Variants in PDHX observed in about 807,000 individuals in gnomAD.
The protein encoded by PDHX is pyruvate dehydrogenase complex component X, also known as pyruvate dehydrogenase protein X component, mitochondrial.
In PDHX, 33 loss-of-function variants were observed where a neutral mutation model predicts 55.3. The observed-to-expected ratio is 0.60, with a 90% CI of 0.45 to 0.80. The LOEUF is 0.80. PDHX is among the 30% of genes least tolerant of loss of function. The pLI, the probability that PDHX is intolerant of heterozygous loss-of-function variation, is 0.00. For synonymous variants in PDHX, 226 were observed against 219.4 expected (o/e 1.03, Z -0.27); for missense variants, 622 against 619.9 (o/e 1.00, Z -0.04).
chr11:34,968,181 G>A (rs1450044294), intron 6 of PDHX, among the ~76,000 whole-genome samples: 1 of 150,480 alleles, frequency 6.6e-6, no homozygotes, highest in African/African-American at 2.4e-5. Context: ...GGAGATTGGG[G>A]AATCACTTGA....
At chr11:34,992,269 G>A (rs1225919115) in intron 9 of PDHX, 46 bp from the exon 10 acceptor site, 3 of 1,060,402 alleles carry the variant, frequency 2.8e-6, no homozygotes, top group Non-Finnish European at 4.4e-6. Context: ...AAGATCAACT[G>A]TATAACATTT....
chr11:34,921,497 C>T (rs939429786), intron 1 of PDHX, among the ~76,000 whole-genome samples: 4 of 152,170 alleles, frequency 2.6e-5, no homozygotes, highest in African/African-American at 7.2e-5. Context: ...CTGATTCTTT[C>T]GAAGGCTACG....
At chr11:34,994,297 T>C (rs546390781) in intron 10 of PDHX, among the ~76,000 whole-genome samples, 1 of 152,166 alleles carries the variant, frequency 6.6e-6, no homozygotes, top group Non-Finnish European at 1.5e-5. Flanking sequence ...ATGATGAGTA[T>C]TTGGGTATCT....
At chr11:34,916,072 C>G (rs1853675457), upstream of PDHX, 1 of 1,005,874 alleles carries the variant, frequency 9.9e-7, no homozygotes. Context: ...TTCCGAACGC[C>G]AAGGTCGCGG....
intron 5 of PDHX, among the ~76,000 whole-genome samples, chr11:34,965,018 G>A (rs1355908392): frequency 6.6e-6 from 1 of 152,032 alleles, no homozygotes; most frequent in African/African-American, 2.4e-5. Context: ...TGCTTGTGTT[G>A]ATATTCTATT....
chr11:34,982,222 C>T (rs1464290842), intron 8 of PDHX, among the ~76,000 whole-genome samples: 1 of 152,186 alleles, frequency 6.6e-6, no homozygotes, highest in African/African-American at 2.4e-5. Context: ...CTACATATGG[C>T]TAGCCAGTTT....
chr11:34,984,027 G>C (rs1033768187), intron 8 of PDHX, among the ~76,000 whole-genome samples: 25 of 152,046 alleles, frequency 1.6e-4, no homozygotes, highest in African/African-American at 5.3e-4. Context: ...TCAAACTATA[G>C]TACAAGGCTA....
At position 34,988,434 on chromosome 11, in the gene PDHX, G is replaced by A. The variant is rs568034226; in HGVS notation, c.1182+3706G>A. ...TGTAGCCAGCATCTGAACCCAATCA[G>A]ACTGTAGACTAGAGCCTCCTCCCAA... On this transcript the variant is annotated intron_variant, in intron 9 of 10. Transcript: ENST00000227868. Among the ~76,000 whole-genome samples the A allele has an allele frequency of 5.9e-5, 9 of 152,048 alleles. No individual in the cohort carries two copies. The South Asian group carries it at 1.9e-3, about 32-fold the overall frequency.
chr11:34,937,022 G>A (rs1204023668), intron 2 of PDHX, among the ~76,000 whole-genome samples: 1 of 151,924 alleles, frequency 6.6e-6, no homozygotes, highest in Non-Finnish European at 1.5e-5. Flanking sequence ...GACCTCAAGT[G>A]ATCTGCCCAC....
At chr11:34,972,783 G>A (rs1019453552) in intron 7 of PDHX, among the ~76,000 whole-genome samples, 1 of 151,998 alleles carries the variant, frequency 6.6e-6, no homozygotes, top group African/African-American at 2.4e-5. Flanking sequence ...TTGTAAGTGT[G>A]CACTTAATTT....
Position 34,992,373 on chromosome 11 carries a change from CTTTTAGGTAAAA to C in PDHX, c.1245_1247+9del. ...TTGCCTGAAGAATACCAAGGAGGAT[CTTTTAGGTAAAA>C]TTTAAACTCTTAATTATCCATAGCA... On this transcript the variant is annotated splice_donor_variant and splice_donor_5th_base_variant and coding_sequence_variant and intron_variant, in exon 10 of 11. Coordinates refer to ENST00000227868, the MANE Select transcript of PDHX (RefSeq NM_003477.3). LOFTEE classifies it high-confidence loss of function. 6.4e-7 allele frequency: 1 copy of C among 1,568,788 alleles called. No homozygotes were observed. Among genetic ancestry groups the C allele is most frequent in the Non-Finnish European group, 8.8e-7 (1 of 1,139,482 alleles).
intron 3 of PDHX, among the ~76,000 whole-genome samples, chr11:34,950,787 TG>T (rs1191228333): frequency 2.0e-5 from 3 of 151,070 alleles, no homozygotes; most frequent in Admixed American, 2.0e-4. Flanking sequence ...GTTGGACATT[TG>T]GGTTGGTTCC....
In PDHX at chr11:34,916,745, G is replaced by T. The variant is rs374923275; in HGVS notation, c.90G>T (p.Lys30Asn). The change falls in exon 1 of 11, where the codon AAG becomes AAT. Residue 30 changes from lysine (K) to asparagine (N), a missense_variant. Transcript: ENST00000227868. ...FPGRRSVGLV[K>N]GALGWSVSRG... Reference sequence around the variant, plus strand: ...GCCGCCGAAGCGTAGGGCTGGTGAAGGGGGCTCTTGGGTGGTCTGTAAGCC... The same window carrying T: ...GCCGCCGAAGCGTAGGGCTGGTGAATGGGGCTCTTGGGTGGTCTGTAAGCC... The T allele has an allele frequency of 2.5e-6, 4 of 1,612,542 alleles. No homozygotes were observed. Among genetic ancestry groups the T allele is most frequent in the African/African-American group, 2.7e-5 (2 of 74,902 alleles).
intron 4 of PDHX, among the ~76,000 whole-genome samples, chr11:34,959,015 A>G (rs2732551): frequency 0.6 from 91,054 of 151,896 alleles, 28,823 homozygotes; most frequent in East Asian, 0.75. Flanking sequence ...CCTGAAATGC[A>G]GCAAGTTCCA....
chr11:34,968,168 G>A (rs866701437), intron 6 of PDHX, among the ~76,000 whole-genome samples: 9 of 151,730 alleles, frequency 5.9e-5, no homozygotes, highest in African/African-American at 1.7e-4. Context: ...CTACTCAGGC[G>A]GTGGAGATTG....
intron 6 of PDHX, among the ~76,000 whole-genome samples, chr11:34,969,565 A>G (rs1855211315): frequency 6.6e-6 from 1 of 151,964 alleles, no homozygotes; most frequent in Non-Finnish European, 1.5e-5. Flanking sequence ...GCTGGTCTTG[A>G]ACTCTTGACC....
chr11:34,934,964 G>A (rs992238176), intron 2 of PDHX, among the ~76,000 whole-genome samples: 3 of 151,942 alleles, frequency 2.0e-5, no homozygotes, highest in African/African-American at 2.4e-5. Context: ...TAAGAGATGT[G>A]AGATGAAATA....
chr11:34,963,780 G>C (rs7115217), intron 5 of PDHX, among the ~76,000 whole-genome samples: 15,358 of 152,174 alleles, frequency 0.1, 1,627 homozygotes, highest in African/African-American at 0.27. Context: ...AAAGAATATA[G>C]ACTTGACTTT....
upstream of PDHX, chr11:34,916,324 C>T: frequency 6.2e-7 from 1 of 1,606,620 alleles, no homozygotes. Context: ...AATCTCCGCA[C>T]GGCTTTGCGC....
Sources: gnomAD v4.1 joint callset for allele counts (sites outside exome capture counted in the v4.1 genomes callset) on GRCh38, gnomAD v4.1.1 for gene constraint, MANE v1.5 for transcripts, NCBI Gene and HGNC (gene_info 2026-07-23, HGNC 2026-07-21) for gene names.